Variants in CYP2A7 observed in about 807,000 individuals in gnomAD.
CYP2A7 encodes cytochrome P450 2A7.
Under a neutral mutation model 42.0 loss-of-function variants are expected in CYP2A7, and 36 were observed. The ratio of observed to expected loss-of-function variants is 0.86; its 90% confidence interval spans 0.66 to 1.13. The LOEUF (loss-of-function observed/expected upper bound fraction) is 1.13. CYP2A7 is among the 50% of genes most tolerant of loss of function. The pLI, the probability that CYP2A7 is intolerant of heterozygous loss-of-function variation, is 0.00. For missense variants in CYP2A7, 661 were observed against 634.1 expected (o/e 1.04, Z -0.46); for synonymous variants, 260 against 249.5 (o/e 1.04, Z -0.40).
At position 40,882,196 on chromosome 19, in the gene CYP2A7, C is replaced by T. The variant is rs750429648; in HGVS notation, c.15G>A (p.Gly5=). 15 of 1,613,816 alleles carry T rather than the reference C, an allele frequency of 9.3e-6. No individual in the cohort carries two copies. The highest frequency in any genetic ancestry group is 1.3e-5 in the African/African-American group (1 of 75,038). Residue 5 remains glycine, a synonymous_variant, in exon 1 of 9, where the codon GGG becomes GGA. Coordinates refer to ENST00000301146, the MANE Select transcript of CYP2A7 (RefSeq NM_000764.3). MLAS[G]LLLVALLACL... is the part of the protein sequence containing the mutation. ...AGGCCAGCAAGGCCACCAGAAGCAGCCCTGAGGCCAGCATGGTGGTAGTGA... is the reference window on the plus strand; with the variant it reads ...AGGCCAGCAAGGCCACCAGAAGCAGTCCTGAGGCCAGCATGGTGGTAGTGA...
At chr19:40,876,956 G>A (rs1386322190) in intron 7 of CYP2A7, 1 of 658,826 alleles carries the variant, frequency 1.5e-6, no homozygotes, top group Admixed American at 3.0e-5. Flanking sequence ...TGTTTCTTAA[G>A]ATAGGAAGTT....
intron 8 of CYP2A7, 51 bp downstream of exon 8, chr19:40,876,476 A>T: frequency 7.4e-6 from 12 of 1,611,684 alleles, no homozygotes; most frequent in Non-Finnish European, 1.0e-5. Context: ...TGGGTGAGGG[A>T]GGCGCCTGCT....
At chr19:40,881,892 C>G (rs552691558) in intron 1 of CYP2A7, 139 bp downstream of exon 1, 2 of 1,505,082 alleles carry the variant, frequency 1.3e-6, no homozygotes, top group East Asian at 4.8e-5. Flanking sequence ...CCTGTCTTTC[C>G]TGGCTAGGAC....
chr19:40,881,497 C>A, intron 2 of CYP2A7, 92 bp downstream of exon 2: 1 of 1,583,530 alleles, frequency 6.3e-7, no homozygotes, highest in Non-Finnish European at 8.6e-7. Flanking sequence ...CTGCCATAGC[C>A]TCCAGTGGGC....
In CYP2A7 at chr19:40,880,658, G is replaced by C; in HGVS notation, c.344-30C>G. On this transcript the variant is annotated intron_variant, in intron 2 of 8. Coordinates refer to ENST00000301146, the MANE Select transcript of CYP2A7 (RefSeq NM_000764.3). The stretch of plus-strand genomic sequence containing the variant: ...GGAGGTCAAGGCGGGGGTGGAGAGA[G>C]GTCAGGGGGCGGCGGTGGCAGGAGC... The C allele has an allele frequency of 1.3e-6, 2 of 1,589,580 alleles. 1 individual carries two copies. The highest frequency in any genetic ancestry group is 2.7e-5 in the African/African-American group (2 of 74,236).
chr19:40,876,238 T>A, intron 8 of CYP2A7: 1 of 603,776 alleles, frequency 1.7e-6, no homozygotes, highest in Non-Finnish European at 2.9e-6. Flanking sequence ...CCAGATACAC[T>A]TGCAAATATG....
chr19:40,876,513 C>T lies in CYP2A7; in HGVS notation c.1303+14G>A, dbSNP rs1403022282. On this transcript the variant is annotated intron_variant, in intron 8 of 8. Coordinates refer to ENST00000301146, the MANE Select transcript of CYP2A7 (RefSeq NM_000764.3). The stretch of plus-strand genomic sequence containing the variant: ...GTGTGAGCAGTGGCCTGGCAGCAAA[C>T]AGTGGTCTCTTACCGATGGAAAAGG... 1 of 1,612,586 alleles carries T rather than the reference C, an allele frequency of 6.2e-7. No homozygotes were observed. Among genetic ancestry groups the T allele is most frequent in the Non-Finnish European group, 8.5e-7 (1 of 1,179,058 alleles).
At position 40,881,531 on chromosome 19, in the gene CYP2A7, C is replaced by G. The variant is rs188017557; in HGVS notation, c.343+58G>C. The G allele has an allele frequency of 1.6e-4, 254 of 1,604,644 alleles. 2 individuals are homozygous for G. In the African/African-American group the frequency reaches 1.9e-3, roughly 12 times the overall value. On this transcript the variant is annotated intron_variant, in intron 2 of 8. Coordinates refer to ENST00000301146, the MANE Select transcript of CYP2A7 (RefSeq NM_000764.3). ...GCAGGAGAGTCAGGGAGAAGGCTGGCAACACTGAGACCATCGTGTCCGCCT... is the reference window on the plus strand; with the variant it reads ...GCAGGAGAGTCAGGGAGAAGGCTGGGAACACTGAGACCATCGTGTCCGCCT...
intron 1 of CYP2A7, 124 bp downstream of exon 1, chr19:40,881,907 A>G: frequency 6.7e-7 from 1 of 1,502,346 alleles, no homozygotes; most frequent in South Asian, 1.3e-5. Context: ...TAGGACCCGG[A>G]TGCTGAAACT....
rs1308253467 is a variant in CYP2A7, at chr19:40,880,296, T to G, written c.494-52A>C. On this transcript the variant is annotated intron_variant, in intron 3 of 8. Transcript: ENST00000301146. Reference sequence around the variant, plus strand: ...TGGGGAGAGAGTCAACTCAGAGGTCTGAGGAGAATCAGAATTCCAGGAGGC... The same window carrying G: ...TGGGGAGAGAGTCAACTCAGAGGTCGGAGGAGAATCAGAATTCCAGGAGGC... The G allele has an allele frequency of 2.5e-6, 4 of 1,597,000 alleles. No individual in the cohort carries two copies. In the African/African-American group the frequency reaches 5.4e-5, roughly 22 times the overall value.
chr19:40,880,480 G>T lies in CYP2A7; in HGVS notation c.492C>A (p.His164Gln). 1.2e-6 allele frequency: 2 copies of T among 1,612,456 alleles called. No individual in the cohort carries two copies. Among genetic ancestry groups the T allele is most frequent in the Non-Finnish European group, 1.7e-6 (2 of 1,178,902 alleles). ...CCGCACTCGGGGAACCTTACTCACCGTGCGTGCTCCGGATGGCCTCGATGA... is the reference window on the plus strand; with the variant it reads ...CCGCACTCGGGGAACCTTACTCACCTTGCGTGCTCCGGATGGCCTCGATGA... ...GFLIEAIRST[H>Q]GANIDPTFFL... The change falls in exon 3 of 9, where the codon CAC (histidine) becomes CAA (glutamine). Residue 164 changes from histidine (H) to glutamine (Q), a missense_variant and splice_region_variant. Coordinates refer to ENST00000301146, the MANE Select transcript of CYP2A7 (RefSeq NM_000764.3).
At position 40,877,837 on chromosome 19, in the gene CYP2A7, C is replaced by A. The variant is rs777124154; in HGVS notation, c.973+15G>T. The A allele has an allele frequency of 1.3e-6, 2 of 1,592,840 alleles. No homozygotes were observed. Among genetic ancestry groups the A allele is most frequent in the Non-Finnish European group, 1.7e-6 (2 of 1,171,360 alleles). ...GGGTCTGGGGCCCTCCACTTCCGTC[C>A]CCCTCCAGCCTTACCCTCCACCTCT... On this transcript the variant is annotated intron_variant, in intron 6 of 8. Transcript: ENST00000301146.
At chr19:40,878,141 C>G in intron 5 of CYP2A7, 148 bp from the exon 6 acceptor site, 1 of 833,356 alleles carries the variant, frequency 1.2e-6, no homozygotes, top group Non-Finnish European at 1.8e-6. Context: ...TAGGTTCCAG[C>G]CCTTGCCCTG....
In CYP2A7 at chr19:40,876,527, C is replaced by A. The variant is rs202236701; in HGVS notation, c.1303G>T (p.Gly435Ter). The stretch of plus-strand genomic sequence containing the variant: ...CTGGCAGCAAACAGTGGTCTCTTAC[C>A]GATGGAAAAGGGCACAAAAGCATCA... ...KSDAFVPFSI[G>*]KRNCFGEGLA... Residue 435 changes from glycine to a stop codon, truncating the protein, a stop_gained and splice_region_variant, in exon 8 of 9, where the codon GGA (glycine) becomes TGA (stop). Transcript: ENST00000301146. LOFTEE classifies it low-confidence loss of function (END_TRUNC). The A allele has an allele frequency of 1.2e-6, 2 of 1,612,852 alleles. No homozygotes were observed. The highest frequency in any genetic ancestry group is 4.5e-5 in the East Asian group (2 of 44,866).
rs371082497 is a variant in CYP2A7 at position 40,877,845 on chromosome 19, G to A, written c.973+7C>T. 1 of 1,602,004 alleles carries A rather than the reference G, an allele frequency of 6.2e-7. No individual in the cohort carries two copies. The highest frequency in any genetic ancestry group is 1.3e-5 in the African/African-American group (1 of 74,412). Reference sequence around the variant, plus strand: ...GGCCCTCCACTTCCGTCCCCCTCCAGCCTTACCCTCCACCTCTGGGTGCTT... The same window carrying A: ...GGCCCTCCACTTCCGTCCCCCTCCAACCTTACCCTCCACCTCTGGGTGCTT... On this transcript the variant is annotated splice_region_variant and intron_variant, in intron 6 of 8. Coordinates refer to ENST00000301146, the MANE Select transcript of CYP2A7 (RefSeq NM_000764.3).
intron 7 of CYP2A7, 162 bp downstream of exon 7, chr19:40,877,028 G>A (rs1967548697): frequency 2.5e-6 from 2 of 791,194 alleles, no homozygotes; most frequent in Non-Finnish European, 4.1e-6. Flanking sequence ...ACTCAGGAGT[G>A]TCTAAGTGGA....
At chr19:40,876,947 GTTTCTTAAGATAGGAAGTTTTGGA>G in intron 7 of CYP2A7, 1 of 653,910 alleles carries the variant, frequency 1.5e-6, no homozygotes, top group East Asian at 2.8e-5. Flanking sequence ...GGGGGCTTCT[GTTTCTTAAGATAGGAAGTTTTGGA>G]ACTTGAGTTT....
chr19:40,878,947 A>G lies in CYP2A7; in HGVS notation c.655-11T>C. The G allele has an allele frequency of 6.2e-7, 1 of 1,603,890 alleles. No homozygotes were observed. The highest frequency in any genetic ancestry group is 8.5e-7 in the Non-Finnish European group (1 of 1,173,362). On this transcript the variant is annotated splice_polypyrimidine_tract_variant and intron_variant, in intron 4 of 8. Coordinates refer to ENST00000301146, the MANE Select transcript of CYP2A7 (RefSeq NM_000764.3). The stretch of plus-strand genomic sequence containing the variant: ...GAACATCTCATAGAGCTGGGGTTGC[A>G]GAGAGAGGATGGGAAGGGAAGGACA...
intron 2 of CYP2A7, among the ~76,000 whole-genome samples, chr19:40,881,034 TG>T (rs1232652143): frequency 1.3e-5 from 2 of 149,636 alleles, no homozygotes. Flanking sequence ...TGGGGAGATC[TG>T]GGAGGAGGAA....
Sources: allele counts gnomAD v4.1 joint callset (sites outside exome capture counted in the v4.1 genomes callset), GRCh38; gene constraint gnomAD v4.1.1; transcripts MANE v1.5; gene names NCBI Gene and HGNC (gene_info 2026-07-23, HGNC 2026-07-21).